LSM3: variants seen among roughly 807,000 people sequenced by gnomAD.
LSM3 encodes U6 snRNA-associated Sm-like protein LSm3.
In LSM3, 14 loss-of-function variants were observed where a neutral mutation model predicts 15.4. The observed-to-expected ratio is 0.91, with a 90% CI of 0.60 to 1.42. LSM3 has a LOEUF of 1.42. Ranked by LOEUF, LSM3 falls within the 40% of genes most tolerant of loss-of-function variation. The pLI is 0.00. For missense variants in LSM3, 88 were observed against 127.9 expected (o/e 0.69, Z 1.50); for synonymous variants, 46 against 45.1 (o/e 1.02, Z -0.08).
At chr3:14,190,103 G>A (rs538632428) in intron 3 of LSM3, among the ~76,000 whole-genome samples, 75 of 152,288 alleles carry the variant, frequency 4.9e-4, no homozygotes, top group African/African-American at 1.7e-3. Flanking sequence ...AGATCAGGTG[G>A]TTGTGGCTGT....
chr3:14,198,155 G>A lies in LSM3; in HGVS notation c.*39G>A. On this transcript the variant is annotated 3_prime_UTR_variant, in exon 4 of 4. Coordinates refer to ENST00000306024, the MANE Select transcript of LSM3 (RefSeq NM_014463.3). Reference sequence around the variant, plus strand: ...TCCTGTATGGAAAACGGGAGACTTTGTACAGTGGCCTCTCTAAAAGTACAA... The same window carrying A: ...TCCTGTATGGAAAACGGGAGACTTTATACAGTGGCCTCTCTAAAAGTACAA... 1 of 1,440,528 alleles carries A rather than the reference G, an allele frequency of 6.9e-7. No homozygotes were observed. Among genetic ancestry groups the A allele is most frequent in the South Asian group, 1.1e-5 (1 of 87,078 alleles). The allele number at this position is 1,440,528 out of a possible 1,614,324, so 89.2% of individuals were successfully genotyped here.
intron 3 of LSM3, among the ~76,000 whole-genome samples, chr3:14,191,026 C>T (rs1344759176): frequency 6.6e-6 from 1 of 152,176 alleles, no homozygotes; most frequent in Non-Finnish European, 1.5e-5. Flanking sequence ...AAGGCCTTTT[C>T]TGCATCTACT....
chr3:14,197,626 C>T (rs548520459), intron 3 of LSM3, among the ~76,000 whole-genome samples: 1 of 152,240 alleles, frequency 6.6e-6, no homozygotes, highest in South Asian at 2.1e-4. Context: ...ATCAGTGGCT[C>T]TGCCATCCCC....
At chr3:14,188,712 G>A (rs1475552711) in intron 3 of LSM3, among the ~76,000 whole-genome samples, 11 of 148,064 alleles carry the variant, frequency 7.4e-5, no homozygotes, top group Admixed American at 7.4e-4. Context: ...CTGTGTAGAT[G>A]TACCATAATT....
chr3:14,195,744 G>A (rs1312557386), intron 3 of LSM3, among the ~76,000 whole-genome samples: 6 of 152,096 alleles, frequency 3.9e-5, no homozygotes, highest in Non-Finnish European at 7.4e-5. Flanking sequence ...TGTTGTAAAC[G>A]ATACTGGTTC....
chr3:14,187,421 T>C (rs868149271), intron 3 of LSM3, among the ~76,000 whole-genome samples: 1 of 152,230 alleles, frequency 6.6e-6, no homozygotes, highest in African/African-American at 2.4e-5. Context: ...TGCCATGATG[T>C]ATTGGGTAAA....
chr3:14,195,966 T>C (rs940070335), intron 3 of LSM3, among the ~76,000 whole-genome samples: 21 of 151,440 alleles, frequency 1.4e-4, no homozygotes, highest in African/African-American at 2.4e-4. Flanking sequence ...TTTTTTTTTT[T>C]CTTTGAGACG....
chr3:14,195,405 C>A (rs188589586), intron 3 of LSM3, among the ~76,000 whole-genome samples: 34 of 152,118 alleles, frequency 2.2e-4, no homozygotes, highest in Admixed American at 7.2e-4. Flanking sequence ...CTGCTCCCCC[C>A]CACCCACACT....
intron 1 of LSM3, among the ~76,000 whole-genome samples, chr3:14,179,678 G>T (rs36208722): frequency 6.6e-6 from 1 of 152,190 alleles, no homozygotes; most frequent in African/African-American, 2.4e-5. Context: ...TAAGAGCAGG[G>T]ATTTTGTTTT....
chr3:14,182,275 C>G (rs551379634), intron 2 of LSM3, among the ~76,000 whole-genome samples: 21 of 151,870 alleles, frequency 1.4e-4, no homozygotes, highest in African/African-American at 5.1e-4. Context: ...TGTGCACATA[C>G]TTGCATTATG....
At position 14,199,248 on chromosome 3, in the gene LSM3, GT is replaced by G. The variant is rs1697213926; in HGVS notation, c.*1137del. ...GCAGAAATTGGCTGAAAGCAAAGCT[GT>G]TTTTATTTCTAGCTTCAGTCAGCAC... On this transcript the variant is annotated 3_prime_UTR_variant, in exon 4 of 4. Coordinates refer to ENST00000306024, the MANE Select transcript of LSM3 (RefSeq NM_014463.3). The G allele has an allele frequency of 6.6e-6, 1 of 152,214 alleles. No individual in the cohort carries two copies. Among genetic ancestry groups the G allele is most frequent in the African/African-American group, 2.4e-5 (1 of 41,464 alleles). The allele number at this position is 152,214 out of a possible 1,614,324, so 9.4% of individuals were successfully genotyped here.
rs1696966346 is a variant in LSM3, at chr3:14,178,829, C to G, written c.-32C>G. On this transcript the variant is annotated 5_prime_UTR_variant, in exon 1 of 4. Transcript: ENST00000306024. ...GATTGACGTTGCTCTTGTGTTCTCG[C>G]GAGAGGCGGGAAAGGGCGCAGGGTT... 1 of 1,614,000 alleles carries G rather than the reference C, an allele frequency of 6.2e-7. No individual in the cohort carries two copies. The highest frequency in any genetic ancestry group is 8.5e-7 in the Non-Finnish European group (1 of 1,179,942).
At chr3:14,188,046 C>T (rs750088929) in intron 3 of LSM3, among the ~76,000 whole-genome samples, 6 of 152,152 alleles carry the variant, frequency 3.9e-5, no homozygotes, top group Non-Finnish European at 5.9e-5. Flanking sequence ...TCTGCTTGCC[C>T]GAAGGCCTTC....
At position 14,198,149 on chromosome 3, in the gene LSM3, GA is replaced by G; in HGVS notation, c.*34del. 1 of 1,521,400 alleles carries G rather than the reference GA, an allele frequency of 6.6e-7. No individual in the cohort carries two copies. The allele number at this position is 1,521,400 out of a possible 1,614,324, so 94.2% of individuals were successfully genotyped here. ...AATTTGTCCTGTATGGAAAACGGGA[GA>G]CTTTGTACAGTGGCCTCTCTAAAAG... is the stretch of plus-strand genomic sequence containing the variant. On this transcript the variant is annotated 3_prime_UTR_variant, in exon 4 of 4. Transcript: ENST00000306024.
At chr3:14,181,059 A>G (rs1036446043) in intron 1 of LSM3, among the ~76,000 whole-genome samples, 1 of 151,702 alleles carries the variant, frequency 6.6e-6, no homozygotes, top group Admixed American at 6.6e-5. Flanking sequence ...GCTACTAAAT[A>G]TATTTATCTT....
Position 14,184,040 on chromosome 3 carries a change from A to G in LSM3, c.228+8A>G. 2 of 1,600,756 alleles carry G rather than the reference A, an allele frequency of 1.2e-6. No individual in the cohort carries two copies. Among genetic ancestry groups the G allele is most frequent in the African/African-American group, 2.7e-5 (2 of 74,212 alleles). The stretch of plus-strand genomic sequence containing the variant: ...TATGAAGAGATATATAAAGTAAGTC[A>G]TGCAATTCTATTCATTGCTTTGCAA... On this transcript the variant is annotated splice_region_variant and intron_variant, in intron 3 of 3. Transcript: ENST00000306024.
In LSM3 at chr3:14,181,607, C is replaced by T. The variant is rs557521829; in HGVS notation, c.69C>T (p.Leu23=). ...AGGAGCCCCTGGATCTTATCAGGCT[C>T]AGCCTAGATGAGCGAATTTATGTGA... is the stretch of plus-strand genomic sequence containing the variant. ...TVEEPLDLIR[L]SLDERIYVKM... The change falls in exon 2 of 4, where the codon CTC becomes CTT. Residue 23 remains leucine, a synonymous_variant. Coordinates refer to ENST00000306024, the MANE Select transcript of LSM3 (RefSeq NM_014463.3). 6 of 1,613,932 alleles carry T rather than the reference C, an allele frequency of 3.7e-6. No individual in the cohort carries two copies. The highest frequency in any genetic ancestry group is 5.1e-6 in the Non-Finnish European group (6 of 1,179,930).
chr3:14,185,919 C>CT (rs112656058), intron 3 of LSM3, among the ~76,000 whole-genome samples: 117 of 144,912 alleles, frequency 8.1e-4, no homozygotes, highest in African/African-American at 1.1e-3. Context: ...TCAGAAAGGT[C>CT]TTTTTTTTTT....
intron 3 of LSM3, among the ~76,000 whole-genome samples, chr3:14,187,657 C>G (rs1462710020): frequency 6.6e-6 from 1 of 152,200 alleles, no homozygotes; most frequent in African/African-American, 2.4e-5. Flanking sequence ...ACATTTCGCT[C>G]TCTCTCTCGT....
Sources: allele counts gnomAD v4.1 joint callset (sites outside exome capture counted in the v4.1 genomes callset), GRCh38; gene constraint gnomAD v4.1.1; transcripts MANE v1.5; gene names NCBI Gene and HGNC (gene_info 2026-07-23, HGNC 2026-07-21).